ART1: variants seen among roughly 807,000 people sequenced by gnomAD.
The protein encoded by ART1 is GPI-linked NAD(P)(+)--arginine ADP-ribosyltransferase 1.
ART1 carries 29 observed loss-of-function variants against 27.0 expected under a neutral mutation model. The observed-to-expected ratio is 1.08, with a 90% CI of 0.80 to 1.47. The LOEUF is 1.47. ART1 is among the 40% of genes most tolerant of loss of function. The pLI, the probability that ART1 is intolerant of heterozygous loss-of-function variation, is 0.00. For missense variants in ART1, 480 were observed against 423.0 expected (o/e 1.13, Z -1.18); for synonymous variants, 201 against 172.2 (o/e 1.17, Z -1.31).
intron 1 of ART1, among the ~76,000 whole-genome samples, chr11:3,650,643 A>G (rs971029969): frequency 1.6e-4 from 25 of 152,058 alleles, no homozygotes; most frequent in African/African-American, 5.6e-4. Flanking sequence ...CAACTTAGAC[A>G]ATACTCTTTT....
intron 1 of ART1, among the ~76,000 whole-genome samples, chr11:3,647,113 C>T (rs1312305061): frequency 6.6e-6 from 1 of 152,020 alleles, no homozygotes; most frequent in Non-Finnish European, 1.5e-5. Flanking sequence ...CACCTGAGGT[C>T]AGGAATTTGA....
intron 1 of ART1, among the ~76,000 whole-genome samples, chr11:3,654,859 G>C (rs992164092): frequency 6.6e-6 from 1 of 152,210 alleles, no homozygotes; most frequent in South Asian, 2.1e-4. Flanking sequence ...TCCTCAGTCT[G>C]CCTTCAAGCC....
chr11:3,648,304 T>A (rs982000722), intron 1 of ART1, among the ~76,000 whole-genome samples: 2 of 152,220 alleles, frequency 1.3e-5, no homozygotes, highest in Non-Finnish European at 2.9e-5. Context: ...CGGACGCGCA[T>A]GAAATTTGGT....
intron 1 of ART1, among the ~76,000 whole-genome samples, chr11:3,652,795 T>A (rs1443264243): frequency 6.6e-6 from 1 of 151,238 alleles, no homozygotes; most frequent in Admixed American, 6.6e-5. Context: ...TATCTCCTGG[T>A]GCTATCCCCA....
intron 1 of ART1, among the ~76,000 whole-genome samples, chr11:3,658,072 C>T (rs943054134): frequency 6.6e-6 from 1 of 152,044 alleles, no homozygotes; most frequent in Non-Finnish European, 1.5e-5. Context: ...GTGGCTCACA[C>T]CTGTAATCCC....
intron 1 of ART1, among the ~76,000 whole-genome samples, chr11:3,649,059 A>T (rs1382239740): frequency 1.3e-5 from 2 of 148,390 alleles, no homozygotes; most frequent in Non-Finnish European, 3.0e-5. Flanking sequence ...CCTTATTTCC[A>T]CGCCCTGACC....
intron 1 of ART1, among the ~76,000 whole-genome samples, chr11:3,648,984 A>C (rs2077493447): frequency 9.8e-6 from 1 of 102,158 alleles, no homozygotes; most frequent in African/African-American, 4.0e-5. Context: ...CCACGCCCCG[A>C]CCTCTTATCT....
At chr11:3,653,296 C>G (rs1366208606) in intron 1 of ART1, among the ~76,000 whole-genome samples, 1 of 148,646 alleles carries the variant, frequency 6.7e-6, no homozygotes, top group Admixed American at 6.6e-5. Context: ...TCCAGATGGC[C>G]GGTTCCTGCC....
chr11:3,662,036 C>T (rs2077625426), intron 4 of ART1, among the ~76,000 whole-genome samples: 1 of 152,196 alleles, frequency 6.6e-6, no homozygotes, highest in African/African-American at 2.4e-5. Context: ...AGAAGGGCTG[C>T]TCCCCACAAA....
chr11:3,664,252 G>T lies in ART1; in HGVS notation c.*63G>T. On this transcript the variant is annotated 3_prime_UTR_variant, in exon 5 of 5. Coordinates refer to ENST00000250693, the MANE Select transcript of ART1 (RefSeq NM_004314.3). ...CCCATCCTGAGGATGTTGGCCATGT[G>T]TGCTTTCAGTGTAACCAAGATTCCT... 1 of 1,487,346 alleles carries T rather than the reference G, an allele frequency of 6.7e-7. No homozygotes were observed. The allele number at this position is 1,487,346 out of a possible 1,614,324, so 92.1% of individuals were successfully genotyped here. A position where few individuals can be genotyped will look rare whatever the true frequency, so the allele number is the denominator to read the frequency against.
chr11:3,658,334 G>GAAA (rs565452996), intron 1 of ART1, among the ~76,000 whole-genome samples: 1 of 128,456 alleles, frequency 7.8e-6, no homozygotes, highest in African/African-American at 2.9e-5. Context: ...CTTGGTCTCG[G>GAAA]AAAAAAAAAA....
chr11:3,655,317 C>G (rs952737877), intron 1 of ART1, among the ~76,000 whole-genome samples: 3 of 116,836 alleles, frequency 2.6e-5, no homozygotes. Context: ...AGTCAGGGAG[C>G]GGCAAAGTCA....
At chr11:3,646,361 A>G (rs934621816) in intron 1 of ART1, among the ~76,000 whole-genome samples, 3 of 152,098 alleles carry the variant, frequency 2.0e-5, no homozygotes, top group African/African-American at 7.2e-5. Flanking sequence ...CTCACCCAGC[A>G]TTAGTTGGCA....
chr11:3,652,795 T>C (rs1443264243), intron 1 of ART1, among the ~76,000 whole-genome samples: 3 of 151,238 alleles, frequency 2.0e-5, no homozygotes, highest in African/African-American at 4.9e-5. Context: ...TATCTCCTGG[T>C]GCTATCCCCA....
intron 4 of ART1, 77 bp downstream of exon 4, chr11:3,661,490 C>CTTTT (rs530856927): frequency 0.2 from 62,326 of 312,140 alleles, 9,036 homozygotes; most frequent in Admixed American, 0.39. Context: ...TCACCTCGAT[C>CTTTT]TTTTTTTTTT....
chr11:3,655,504 G>C (rs1192613399), intron 1 of ART1: 2 of 152,188 alleles, frequency 1.3e-5, no homozygotes, highest in African/African-American at 4.8e-5. Flanking sequence ...CAAAAAACAG[G>C]CTCCCAGGGT....
intron 1 of ART1, among the ~76,000 whole-genome samples, chr11:3,648,253 C>G (rs545063912): frequency 1.3e-5 from 2 of 152,326 alleles, no homozygotes; most frequent in Admixed American, 1.3e-4. Flanking sequence ...TGATTAAAAG[C>G]TTTATTGCTC....
intron 1 of ART1, among the ~76,000 whole-genome samples, chr11:3,649,715 C>T (rs1428432176): frequency 6.6e-6 from 1 of 152,200 alleles, no homozygotes; most frequent in African/African-American, 2.4e-5. Context: ...CCTCCCCAAC[C>T]TGCCCAGCAA....
At chr11:3,653,219 AGACAG>A (rs1337787869) in intron 1 of ART1, among the ~76,000 whole-genome samples, 3 of 148,864 alleles carry the variant, frequency 2.0e-5, no homozygotes, top group Non-Finnish European at 4.4e-5. Context: ...TAATATAAGA[AGACAG>A]GAATGTCAGG....
Sources: gnomAD v4.1 joint callset for allele counts (sites outside exome capture counted in the v4.1 genomes callset) on GRCh38, gnomAD v4.1.1 for gene constraint, MANE v1.5 for transcripts, NCBI Gene and HGNC (gene_info 2026-07-23, HGNC 2026-07-21) for gene names.